The following PTN variants were observed in gnomAD, a reference collection of about 807,000 sequenced individuals.
PTN encodes heparin affin regulatory protein.
In PTN, 18 loss-of-function variants were observed where a neutral mutation model predicts 24.1. The ratio of observed to expected loss-of-function variants is 0.75; its 90% CI spans 0.52 to 1.11. The LOEUF is 1.11. PTN is among the 50% of genes least tolerant of loss of function. The probability of loss-of-function intolerance (pLI) is 0.00; values close to 1 mark genes in which losing one functional copy is unlikely to be tolerated. For missense variants in PTN, 163 were observed against 198.8 expected (o/e 0.82, Z 1.08); for synonymous variants, 78 against 68.6 (o/e 1.14, Z -0.67).
At chr7:137,265,166 G>C (rs904752848) in intron 1 of PTN, among the ~76,000 whole-genome samples, 1 of 152,088 alleles carries the variant, frequency 6.6e-6, no homozygotes, top group African/African-American at 2.4e-5. Context: ...AAATCCTGTA[G>C]CTATTTGATT....
chr7:137,278,813 C>T (rs1377214489), intron 1 of PTN, among the ~76,000 whole-genome samples: 1 of 151,694 alleles, frequency 6.6e-6, no homozygotes, highest in African/African-American at 2.4e-5. Context: ...TGGTGGCGCA[C>T]ACCTGTAATC....
intron 4 of PTN, among the ~76,000 whole-genome samples, chr7:137,238,115 A>G (rs1038091860): frequency 2.6e-5 from 4 of 152,142 alleles, no homozygotes; most frequent in African/African-American, 9.7e-5. Context: ...GCCTCTGTGC[A>G]CTGAACAACA....
At chr7:137,244,025 T>C (rs569647024) in intron 4 of PTN, among the ~76,000 whole-genome samples, 3 of 152,290 alleles carry the variant, frequency 2.0e-5, no homozygotes, top group Middle Eastern at 6.8e-3. Flanking sequence ...CGAGCTAGAG[T>C]AGATCTCGCT....
intron 1 of PTN, among the ~76,000 whole-genome samples, chr7:137,333,868 A>G (rs1810401540): frequency 6.6e-6 from 1 of 152,206 alleles, no homozygotes; most frequent in Admixed American, 6.5e-5. Context: ...AACAGAACAG[A>G]GCCCTCAGAA....
At chr7:137,242,155 T>C (rs1808641516) in intron 4 of PTN, among the ~76,000 whole-genome samples, 1 of 152,186 alleles carries the variant, frequency 6.6e-6, no homozygotes. Context: ...GACCCCTTTT[T>C]TCCCATTTAA....
intron 1 of PTN, among the ~76,000 whole-genome samples, chr7:137,332,461 G>T (rs182205709): frequency 4.1e-4 from 62 of 152,158 alleles, no homozygotes; most frequent in African/African-American, 1.4e-3. Flanking sequence ...CCTGCGTTGA[G>T]CTATATTTGA....
rs987132722 is a variant in PTN, at chr7:137,227,945, T to A, written c.*75A>T. ...ATAGATAATTTTTGAATACAAAGCCTACGGTACATATAAATGCAATAGTTA... is the reference window on the plus strand; with the variant it reads ...ATAGATAATTTTTGAATACAAAGCCAACGGTACATATAAATGCAATAGTTA... On this transcript the variant is annotated 3_prime_UTR_variant, in exon 5 of 5. Transcript: ENST00000348225. 5 of 1,564,074 alleles carry A rather than the reference T, an allele frequency of 3.2e-6. No individual in the cohort carries two copies. In the African/African-American group the frequency reaches 6.9e-5, roughly 22 times the overall value.
chr7:137,331,867 G>A (rs1408108199), intron 1 of PTN, among the ~76,000 whole-genome samples: 1 of 152,208 alleles, frequency 6.6e-6, no homozygotes, highest in Non-Finnish European at 1.5e-5. Flanking sequence ...CACACACTGA[G>A]TTCTCCAGGA....
chr7:137,325,310 A>G (rs1035348722), intron 1 of PTN: 1 of 152,194 alleles, frequency 6.6e-6, no homozygotes, highest in Non-Finnish European at 1.5e-5. Context: ...CTTTTCTTTT[A>G]GCAAAGCTGA....
intron 1 of PTN, among the ~76,000 whole-genome samples, chr7:137,310,502 A>G (rs1464247086): frequency 6.8e-6 from 1 of 147,774 alleles, no homozygotes; most frequent in Non-Finnish European, 1.5e-5. Context: ...GGCTTAAGTG[A>G]TTCTCCTGCC....
intron 1 of PTN, among the ~76,000 whole-genome samples, chr7:137,311,366 G>T (rs972796421): frequency 3.3e-4 from 50 of 152,080 alleles, no homozygotes; most frequent in African/African-American, 1.1e-3. Flanking sequence ...CAACAATGAG[G>T]TTATTTTGCT....
At chr7:137,232,855 A>G (rs540538886) in intron 4 of PTN, among the ~76,000 whole-genome samples, 1 of 151,990 alleles carries the variant, frequency 6.6e-6, no homozygotes, top group East Asian at 1.9e-4. Flanking sequence ...ATGGTTTTAT[A>G]AGTGTCTGGC....
intron 1 of PTN, among the ~76,000 whole-genome samples, chr7:137,308,831 TA>T (rs1809931964): frequency 6.6e-6 from 1 of 152,192 alleles, no homozygotes; most frequent in Non-Finnish European, 1.5e-5. Flanking sequence ...CAGATAACCC[TA>T]AACTTACTTG....
chr7:137,287,850 C>G (rs1809581642), intron 1 of PTN: 1 of 152,036 alleles, frequency 6.6e-6, no homozygotes, highest in Admixed American at 6.5e-5. Context: ...AGGGGGGGCG[C>G]TATTAGATGA....
At chr7:137,282,989 G>A (rs187062314) in intron 1 of PTN, among the ~76,000 whole-genome samples, 1 of 152,166 alleles carries the variant, frequency 6.6e-6, no homozygotes, top group Admixed American at 6.5e-5. Context: ...TAGTTTCTCC[G>A]CTGTCTGTAA....
At chr7:137,316,052 C>A (rs1810066458) in intron 1 of PTN, among the ~76,000 whole-genome samples, 1 of 152,176 alleles carries the variant, frequency 6.6e-6, no homozygotes, top group Non-Finnish European at 1.5e-5. Context: ...TGGGTGATCT[C>A]CTCTTGCCTG....
chr7:137,323,533 G>A (rs1179900907), intron 1 of PTN, among the ~76,000 whole-genome samples: 1 of 152,076 alleles, frequency 6.6e-6, no homozygotes, highest in Non-Finnish European at 1.5e-5. Context: ...TTCAAAACAT[G>A]GAAAGTTGAG....
intron 1 of PTN, among the ~76,000 whole-genome samples, chr7:137,271,501 C>G (rs1384376359): frequency 6.6e-6 from 1 of 152,130 alleles, no homozygotes; most frequent in African/African-American, 2.4e-5. Flanking sequence ...ATAAATCAAC[C>G]AAAACAAGTA....
chr7:137,287,201 G>C (rs1809570280), intron 1 of PTN, among the ~76,000 whole-genome samples: 1 of 152,148 alleles, frequency 6.6e-6, no homozygotes, highest in African/African-American at 2.4e-5. Context: ...GTGCTGTTTG[G>C]TTAGTAAAAA....
Sources: allele counts gnomAD v4.1 joint callset (sites outside exome capture counted in the v4.1 genomes callset), GRCh38; gene constraint gnomAD v4.1.1; transcripts MANE v1.5; gene names NCBI Gene and HGNC (gene_info 2026-07-23, HGNC 2026-07-21).